DCC: variants seen among roughly 807,000 people sequenced by gnomAD.
The protein encoded by DCC is netrin receptor DCC.
A neutral mutation model predicts 172.5 loss-of-function variants in DCC; 58 were observed. The observed-to-expected ratio is 0.34, with a 90% CI of 0.27 to 0.42. The LOEUF is 0.42. Among genes scored for constraint, DCC ranks in the 10% least tolerant of loss-of-function variants. DCC has a pLI of 1.00. For synonymous variants in DCC, 709 were observed against 644.5 expected, an observed-to-expected ratio of 1.10 and a Z score of -1.52; for missense variants, 1,740 against 1,791.0, an observed-to-expected ratio of 0.97 and a Z score of 0.51.
chr18:53,217,282 CACACACACACACACACACAT>C (rs1278815556), intron 12 of DCC, among the ~76,000 whole-genome samples: 8 of 118,924 alleles, frequency 6.7e-5, no homozygotes, highest in African/African-American at 9.3e-5. Flanking sequence ...CACACACACA[CACACACACACACACACACAT>C]ATGTATATAC....
At chr18:53,086,546 TCTTCTTCTTC>T (rs2042909142) in intron 7 of DCC, among the ~76,000 whole-genome samples, 1 of 55,354 alleles carries the variant, frequency 1.8e-5, no homozygotes, top group Admixed American at 1.3e-4. Flanking sequence ...TCTTCTTCTT[TCTTCTTCTTC>T]CTTCTTCTTC....
chr18:52,534,035 G>T (rs181066554), intron 1 of DCC, among the ~76,000 whole-genome samples: 1 of 152,076 alleles, frequency 6.6e-6, no homozygotes, highest in Non-Finnish European at 1.5e-5. Context: ...TGCTTTAGTA[G>T]TTCATTCCTT....
At position 53,291,056 on chromosome 18, in the gene DCC, C is replaced by G. The variant is rs1022152839; in HGVS notation, c.1912-14522C>G. On this transcript the variant is annotated intron_variant, in intron 12 of 28. Coordinates refer to ENST00000442544, the MANE Select transcript of DCC (RefSeq NM_005215.4). ...GGTGGCAGGCTCCTGTAATCCCAGC[C>G]ACTCAGAAGGTTGAGGCAGGAGAAT... is the stretch of plus-strand genomic sequence containing the variant. Among the ~76,000 whole-genome samples, 3 of 151,694 alleles carry G rather than the reference C, an allele frequency of 2.0e-5. No homozygotes were observed. The South Asian group carries it at 6.2e-4, about 32-fold the overall frequency.
intron 1 of DCC, among the ~76,000 whole-genome samples, chr18:52,602,124 A>C (rs1162500739): frequency 6.6e-6 from 1 of 152,094 alleles, no homozygotes; most frequent in Non-Finnish European, 1.5e-5. Context: ...AAATAGTCAC[A>C]TATTTATAAT....
intron 1 of DCC, among the ~76,000 whole-genome samples, chr18:52,517,668 A>G (rs1052281549): frequency 6.6e-6 from 1 of 152,230 alleles, no homozygotes; most frequent in Non-Finnish European, 1.5e-5. Context: ...TGAAATTACT[A>G]AAAAGGAAAA....
rs202117665 is a variant in DCC at position 53,252,966 on chromosome 18, CT to C, written c.1911+37370del. On this transcript the variant is annotated intron_variant, in intron 12 of 28. Transcript: ENST00000442544. ...AACATGCTTCTCCAAAGTCACATAG[CT>C]AATGATATAATAGGATTAGCACTTA... Among the ~76,000 whole-genome samples, 8 of 152,060 alleles carry C rather than the reference CT, an allele frequency of 5.3e-5. No individual in the cohort carries two copies. In the East Asian group the frequency reaches 1.5e-3, roughly 29 times the overall value.
chr18:53,013,940 C>G (rs1409548942), intron 5 of DCC, among the ~76,000 whole-genome samples: 1 of 152,128 alleles, frequency 6.6e-6, no homozygotes, highest in Non-Finnish European at 1.5e-5. Flanking sequence ...TAGATAGATA[C>G]TTATACATGG....
Position 53,080,750 on chromosome 18 carries a change from C to T in DCC, c.1261+14584C>T, listed in dbSNP as rs533578689. 8.5e-5 allele frequency among the ~76,000 whole-genome samples: 13 copies of T among 152,122 alleles called. No individual in the cohort carries two copies. The South Asian group carries it at 1.0e-3, about 12-fold the overall frequency. On this transcript the variant is annotated intron_variant, in intron 7 of 28. Transcript: ENST00000442544. The stretch of plus-strand genomic sequence containing the variant: ...TCAAAGAATTATATGGAAGAGGAAA[C>T]GGTTAGCAGTTTGCATTTGAATTGA...
At chr18:52,803,477 G>A (rs1568114322) in intron 2 of DCC, among the ~76,000 whole-genome samples, 1 of 152,064 alleles carries the variant, frequency 6.6e-6, no homozygotes, top group Non-Finnish European at 1.5e-5. Flanking sequence ...TGTGAACGGT[G>A]CCATGTACTG....
intron 2 of DCC, among the ~76,000 whole-genome samples, chr18:52,765,671 A>C (rs1004164699): frequency 6.6e-6 from 1 of 152,106 alleles, no homozygotes; most frequent in Non-Finnish European, 1.5e-5. Context: ...CTGGCCAAAG[A>C]TCTCATAAAG....
chr18:52,928,438 A>C (rs910062380), intron 5 of DCC, among the ~76,000 whole-genome samples: 4 of 152,160 alleles, frequency 2.6e-5, no homozygotes, highest in Non-Finnish European at 5.9e-5. Context: ...ATCTAAAATA[A>C]AAGTTTAAAA....
chr18:52,715,374 A>G (rs1051404448), intron 1 of DCC, among the ~76,000 whole-genome samples: 7 of 149,776 alleles, frequency 4.7e-5, no homozygotes, highest in African/African-American at 1.7e-4. Flanking sequence ...ATATCAGCTC[A>G]CTGCAACCTC....
intron 7 of DCC, among the ~76,000 whole-genome samples, chr18:53,144,207 T>C (rs1417588481): frequency 7.2e-5 from 11 of 152,212 alleles, no homozygotes; most frequent in Non-Finnish European, 1.3e-4. Context: ...CTCCCTATTA[T>C]GTTTCCTCAT....
At chr18:53,402,528 C>T (rs1165308589) in intron 18 of DCC, among the ~76,000 whole-genome samples, 1 of 151,998 alleles carries the variant, frequency 6.6e-6, no homozygotes, top group East Asian at 1.9e-4. Flanking sequence ...ACCAGTTGTA[C>T]TTTTCTCCTT....
chr18:53,420,145 A>G (rs1471953913), intron 21 of DCC, among the ~76,000 whole-genome samples: 1 of 152,144 alleles, frequency 6.6e-6, no homozygotes, highest in African/African-American at 2.4e-5. Flanking sequence ...GTAAGCCACC[A>G]TGCCCCACCC....
At chr18:52,393,885 C>A (rs1986119935) in intron 1 of DCC, among the ~76,000 whole-genome samples, 2 of 152,022 alleles carry the variant, frequency 1.3e-5, no homozygotes, top group African/African-American at 2.4e-5. Context: ...ATTTTTAAGA[C>A]CCCTTTCAGA....
chr18:52,995,388 G>A (rs1401985479), intron 5 of DCC, among the ~76,000 whole-genome samples: 2 of 152,054 alleles, frequency 1.3e-5, no homozygotes, highest in Admixed American at 6.6e-5. Context: ...CCATAATCTT[G>A]AGAAGTAACT....
chr18:52,940,793 A>G (rs996792113), intron 5 of DCC: 9 of 152,198 alleles, frequency 5.9e-5, no homozygotes, highest in Non-Finnish European at 7.3e-5. Context: ...AGACAGTCCA[A>G]TGGAGTGTGG....
intron 7 of DCC, among the ~76,000 whole-genome samples, chr18:53,093,466 A>T (rs185993353): frequency 6.6e-6 from 1 of 152,180 alleles, no homozygotes; most frequent in Non-Finnish European, 1.5e-5. Context: ...CATAAGGCTG[A>T]TAAGTTTTCT....
Sources: gnomAD v4.1 joint callset for allele counts (sites outside exome capture counted in the v4.1 genomes callset) on GRCh38, gnomAD v4.1.1 for gene constraint, MANE v1.5 for transcripts, NCBI Gene and HGNC (gene_info 2026-07-23, HGNC 2026-07-21) for gene names.